The following PDE1A variants were observed in gnomAD, a reference collection of about 807,000 sequenced individuals.
PDE1A encodes the protein dual specificity calcium/calmodulin-dependent 3',5'-cyclic nucleotide phosphodiesterase 1A.
A neutral mutation model predicts 61.7 loss-of-function variants in PDE1A; 35 were observed. The observed-to-expected ratio is 0.57, with a 90% CI of 0.43 to 0.75. PDE1A has a LOEUF of 0.75. PDE1A is among the 30% of genes least tolerant of loss of function. PDE1A has a pLI of 0.00. For missense variants in PDE1A, 597 were observed against 630.6 expected (o/e 0.95, Z 0.57); for synonymous variants, 232 against 213.2 (o/e 1.09, Z -0.77).
the PDE1A span, among the ~76,000 whole-genome samples, chr2:182,667,138 G>C: frequency 6.6e-6 from 1 of 152,166 alleles, no homozygotes. Flanking sequence ...GCTCAAGTCA[G>C]GTTTTTAGCC....
chr2:182,150,756 C>G (rs1448323107), intron 13 of PDE1A, among the ~76,000 whole-genome samples: 1 of 152,090 alleles, frequency 6.6e-6, no homozygotes, highest in Non-Finnish European at 1.5e-5. Flanking sequence ...TTACCAAAAC[C>G]AACAGAAATC....
chr2:182,484,507 A>G (rs62187660), intron 2 of PDE1A, among the ~76,000 whole-genome samples: 38,817 of 151,906 alleles, frequency 0.26, 5,185 homozygotes, highest in Middle Eastern at 0.42. Context: ...ACAAAAATTG[A>G]CAAGTGGGAT....
the PDE1A span, among the ~76,000 whole-genome samples, chr2:182,623,184 C>T: frequency 6.6e-6 from 1 of 152,132 alleles, no homozygotes; most frequent in African/African-American, 2.4e-5. Flanking sequence ...TAGGCATATG[C>T]ATACACTAAG....
intron 8 of PDE1A, among the ~76,000 whole-genome samples, chr2:182,205,296 A>G (rs545943048): frequency 7.9e-5 from 12 of 152,286 alleles, no homozygotes; most frequent in Non-Finnish European, 1.2e-4. Flanking sequence ...TGTGAAGTCC[A>G]GCAACCCTAT....
the PDE1A span, chr2:182,716,055 G>C: frequency 6.6e-6 from 1 of 152,300 alleles, no homozygotes; most frequent in Non-Finnish European, 1.5e-5. Flanking sequence ...TGGTGAGGGG[G>C]CGCGGGCTGC....
chr2:182,449,254 C>A (rs1379068717), intron 2 of PDE1A, among the ~76,000 whole-genome samples: 1 of 147,284 alleles, frequency 6.8e-6, no homozygotes, highest in Admixed American at 6.8e-5. Context: ...AAAAGAAAAG[C>A]AAATGAAAAC....
downstream of PDE1A, chr2:182,167,784 G>T: frequency 2.2e-6 from 1 of 463,746 alleles, no homozygotes; most frequent in Non-Finnish European, 2.8e-6. Context: ...TGTTTTCAAA[G>T]ATATCTATCC....
chr2:182,441,422 T>C (rs550960155), intron 2 of PDE1A, among the ~76,000 whole-genome samples: 1 of 152,168 alleles, frequency 6.6e-6, no homozygotes, highest in East Asian at 1.9e-4. Flanking sequence ...AGATTGCTCA[T>C]GATTGGAGAC....
intron 2 of PDE1A, among the ~76,000 whole-genome samples, chr2:182,469,776 T>C (rs1371315520): frequency 6.6e-6 from 1 of 151,860 alleles, no homozygotes; most frequent in African/African-American, 2.4e-5. Context: ...CACTTGAACA[T>C]TTAGAGGCCT....
chr2:182,264,878 C>CATATATATATATATATGT (rs148358464), intron 1 of PDE1A, among the ~76,000 whole-genome samples: 5 of 106,878 alleles, frequency 4.7e-5, no homozygotes, highest in African/African-American at 1.8e-4. Context: ...TATATATATA[C>CATATATATATATATATGT]ATATATATAT....
chr2:182,364,163 A>C (rs1023271526), intron 1 of PDE1A, among the ~76,000 whole-genome samples: 2 of 151,898 alleles, frequency 1.3e-5, no homozygotes, highest in African/African-American at 2.4e-5. Context: ...TCCTTCCCTG[A>C]GTCCGCTTCT....
chr2:182,454,429 A>C (rs987782131), intron 2 of PDE1A, among the ~76,000 whole-genome samples: 4 of 152,134 alleles, frequency 2.6e-5, no homozygotes, highest in African/African-American at 7.2e-5. Context: ...TTTAAAGTTC[A>C]TATGGAACCA....
chr2:182,345,015 T>C (rs185968357), intron 1 of PDE1A, among the ~76,000 whole-genome samples: 113 of 152,314 alleles, frequency 7.4e-4, no homozygotes, highest in Admixed American at 1.0e-3. Flanking sequence ...CACTCTTCTC[T>C]TAGAATCAAC....
At chr2:182,522,816 T>C (rs1690650239), upstream of PDE1A, 1 of 223,160 alleles carries the variant, frequency 4.5e-6, no homozygotes, top group African/African-American at 2.3e-5. Flanking sequence ...AATTCCTCTC[T>C]ACCAACAGAA....
the PDE1A span, among the ~76,000 whole-genome samples, chr2:182,682,914 G>T: frequency 6.6e-6 from 1 of 152,102 alleles, no homozygotes; most frequent in Non-Finnish European, 1.5e-5. Context: ...GTGTAGGGGT[G>T]TGTCTGTGCA....
the PDE1A span, among the ~76,000 whole-genome samples, chr2:182,659,498 T>C: frequency 6.6e-6 from 1 of 152,206 alleles, no homozygotes; most frequent in African/African-American, 2.4e-5. Context: ...TTCTTTGAAA[T>C]GAGTTCAGAG....
intron 1 of PDE1A, among the ~76,000 whole-genome samples, chr2:182,384,829 C>G (rs1047618476): frequency 3.3e-5 from 5 of 152,120 alleles, no homozygotes; most frequent in African/African-American, 1.2e-4. Flanking sequence ...TCAAATATCT[C>G]CAATCAAATT....
chr2:182,341,091 G>T (rs1698152513), intron 1 of PDE1A, among the ~76,000 whole-genome samples: 1 of 152,108 alleles, frequency 6.6e-6, no homozygotes, highest in African/African-American at 2.4e-5. Context: ...TAAAACCTAA[G>T]TTTTCAATAG....
chr2:182,334,308 C>CA lies in PDE1A; in HGVS notation c.54-69895dup, dbSNP rs1349715226. Among the ~76,000 whole-genome samples the CA allele has an allele frequency of 4.6e-4, 66 of 142,980 alleles. 1 individual carries two copies. The highest frequency in any genetic ancestry group is 2.2e-3 in the East Asian group (11 of 4,974). The allele number at this position is 142,980 out of a possible 152,430, so 93.8% of individuals were successfully genotyped here. A position where few individuals can be genotyped will look rare whatever the true frequency, so the allele number is the denominator to read the frequency against. On this transcript the variant is annotated intron_variant, in intron 1 of 13. Transcript: ENST00000351439. ...CACACACATGCACACACACACACAC[C>CA]AAAAAAAAAAGAAAGAAAGAAAATT...
Sources: allele counts gnomAD v4.1 joint callset (sites outside exome capture counted in the v4.1 genomes callset), GRCh38; gene constraint gnomAD v4.1.1; transcripts MANE v1.5; gene names NCBI Gene and HGNC (gene_info 2026-07-23, HGNC 2026-07-21).